Variants in CUL4A observed in about 807,000 individuals in gnomAD.
CUL4A encodes cullin-4A.
In CUL4A, 16 loss-of-function variants were observed where a neutral mutation model predicts 95.5. The ratio of observed to expected loss-of-function variants is 0.17; its 90% confidence interval spans 0.11 to 0.25. The LOEUF is 0.25. Among genes scored for constraint, CUL4A ranks in the 10% least tolerant of loss-of-function variants. The probability of loss-of-function intolerance (pLI) is 1.00; values close to 1 mark genes in which losing one functional copy is unlikely to be tolerated. For missense variants in CUL4A, 610 were observed against 937.0 expected, an observed-to-expected ratio of 0.65 and a Z score of 4.56; for synonymous variants, 380 against 353.1, an observed-to-expected ratio of 1.08 and a Z score of -0.85.
Position 113,266,670 on chromosome 13 carries a change from G to A in CUL4A, c.*3088G>A, listed in dbSNP as rs1022353578. 1 of 152,162 alleles carries A rather than the reference G, an allele frequency of 6.6e-6. No individual in the cohort carries two copies. Among genetic ancestry groups the A allele is most frequent in the African/African-American group, 2.4e-5 (1 of 41,434 alleles). The allele number at this position is 152,162 out of a possible 1,614,324, so 9.4% of individuals were successfully genotyped here. ...AAATAAGCCAAATACACAGGAACTCGGCGTGGCACAAAGGGGCCGTGTGTG... is the reference window on the plus strand; with the variant it reads ...AAATAAGCCAAATACACAGGAACTCAGCGTGGCACAAAGGGGCCGTGTGTG... On this transcript the variant is annotated 3_prime_UTR_variant, in exon 20 of 20. Coordinates refer to ENST00000375440, the MANE Select transcript of CUL4A (RefSeq NM_001008895.4).
chr13:113,258,005 A>AT (rs997580836), intron 18 of CUL4A, among the ~76,000 whole-genome samples: 40 of 151,614 alleles, frequency 2.6e-4, no homozygotes, highest in South Asian at 6.3e-4. Context: ...ATAGCCAGCC[A>AT]TTTTTTTTGT....
In CUL4A at chr13:113,265,247, C is replaced by T. The variant is rs973366514; in HGVS notation, c.*1665C>T. The T allele has an allele frequency of 1.3e-5, 2 of 152,168 alleles. No individual in the cohort carries two copies. Among genetic ancestry groups the T allele is most frequent in the South Asian group, 2.1e-4 (1 of 4,834 alleles). The allele number at this position is 152,168 out of a possible 1,614,324, so 9.4% of individuals were successfully genotyped here. ...GTGGGTCTTTTTTACTTGGACGATT[C>T]GTTGTGCTGTGCCTTTGTTTCATTT... On this transcript the variant is annotated 3_prime_UTR_variant, in exon 20 of 20. Coordinates refer to ENST00000375440, the MANE Select transcript of CUL4A (RefSeq NM_001008895.4).
chr13:113,209,522 G>T, upstream of CUL4A: 1 of 657,360 alleles, frequency 1.5e-6, no homozygotes, highest in South Asian at 6.4e-5. Context: ...GGGCGGGGCG[G>T]GGCGCGCGAG....
At chr13:113,249,956 T>C (rs985400447) in intron 15 of CUL4A, among the ~76,000 whole-genome samples, 2 of 152,378 alleles carry the variant, frequency 1.3e-5, no homozygotes, top group Non-Finnish European at 1.5e-5. Context: ...TCTTTTGTTA[T>C]TAAGCTATAA....
chr13:113,208,850 G>A, upstream of CUL4A: 1 of 1,406,970 alleles, frequency 7.1e-7, no homozygotes, highest in Non-Finnish European at 9.2e-7. Flanking sequence ...TCTCAGCCGG[G>A]ACGCCAGCGG....
chr13:113,218,580 C>T (rs973115888), intron 2 of CUL4A, among the ~76,000 whole-genome samples: 1 of 152,040 alleles, frequency 6.6e-6, no homozygotes, highest in Non-Finnish European at 1.5e-5. Flanking sequence ...ACTGAGGAAT[C>T]GGAGCACCCG....
intron 2 of CUL4A, among the ~76,000 whole-genome samples, chr13:113,210,513 T>C (rs1203763194): frequency 6.6e-6 from 1 of 152,228 alleles, no homozygotes. Context: ...TTGAAAAAAT[T>C]CAAAATTCAG....
chr13:113,231,036 G>A (rs1204427436), intron 5 of CUL4A, among the ~76,000 whole-genome samples: 1 of 152,158 alleles, frequency 6.6e-6, no homozygotes, highest in East Asian at 1.9e-4. Flanking sequence ...GCCTCCCAAA[G>A]TGCTGGAATT....
intron 9 of CUL4A, among the ~76,000 whole-genome samples, chr13:113,238,431 C>A (rs375389145): frequency 1.3e-4 from 20 of 149,438 alleles, no homozygotes; most frequent in African/African-American, 4.7e-4. Flanking sequence ...AGAGACCTGT[C>A]TCAAAAAAAA....
At chr13:113,214,256 C>T (rs1344672654) in intron 2 of CUL4A, among the ~76,000 whole-genome samples, 1 of 152,140 alleles carries the variant, frequency 6.6e-6, no homozygotes, top group African/African-American at 2.4e-5. Context: ...TCATTTTCCT[C>T]CTGTAGTGTG....
chr13:113,239,294 C>T (rs2041636419), intron 9 of CUL4A, 139 bp from the exon 10 acceptor site: 23 of 744,186 alleles, frequency 3.1e-5, no homozygotes, highest in East Asian at 2.8e-4. Context: ...TCAACCTGCT[C>T]ATGTAGAGGC....
intron 10 of CUL4A, 128 bp from the exon 11 acceptor site, chr13:113,242,840 T>C: frequency 1.4e-6 from 1 of 697,326 alleles, no homozygotes; most frequent in Non-Finnish European, 2.3e-6. Flanking sequence ...TGTGAAACTT[T>C]TAAAGTTATT....
At position 113,210,059 on chromosome 13, in the gene CUL4A, A is replaced by G; in HGVS notation, c.235A>G (p.Ile79Val). 2 of 1,517,616 alleles carry G rather than the reference A, an allele frequency of 1.3e-6. No homozygotes were observed. The highest frequency in any genetic ancestry group is 1.8e-6 in the Non-Finnish European group (2 of 1,133,628). The allele number at this position is 1,517,616 out of a possible 1,614,324, so 94.0% of individuals were successfully genotyped here. ...GCGGGCCGTGCAGAGCAGCACCTCC[A>G]TCAGGTACAACCTCGAGGAGCTCTA... ...AVRAVQSSTS[I>V]RYNLEELYQA... The change falls in exon 2 of 20, where the codon ATC becomes GTC. Residue 79 changes from isoleucine (I) to valine (V), a missense_variant. Ile to Val is a conservative substitution (Grantham distance 29). Coordinates refer to ENST00000375440, the MANE Select transcript of CUL4A (RefSeq NM_001008895.4).
At chr13:113,231,582 A>G (rs938577252) in intron 5 of CUL4A, among the ~76,000 whole-genome samples, 2 of 152,170 alleles carry the variant, frequency 1.3e-5, no homozygotes, top group African/African-American at 2.4e-5. Context: ...AGCACTGGCT[A>G]CCTGCCTGGC....
intron 15 of CUL4A, among the ~76,000 whole-genome samples, chr13:113,251,095 G>A (rs988062580): frequency 1.3e-5 from 2 of 152,194 alleles, no homozygotes; most frequent in African/African-American, 4.8e-5. Context: ...GTACAGTGCT[G>A]CAATGGGGAG....
rs752834060 is a variant in CUL4A, at chr13:113,233,333, C to T, written c.669C>T (p.Asp223=). 1 of 1,612,652 alleles carries T rather than the reference C, an allele frequency of 6.2e-7. No homozygotes were observed. The highest frequency in any genetic ancestry group is 8.5e-7 in the Non-Finnish European group (1 of 1,179,778). ...LLRSLLGMLS[D]LQVYKDSFEL... ...GGAGCCTCCTGGGCATGCTGTCTGA[C>T]CTGCAGGTGAGTGCTGCCTGTGCGG... is the stretch of plus-strand genomic sequence containing the variant. Residue 223 remains aspartate (D), a synonymous_variant, in exon 6 of 20, where the codon GAC becomes GAT. Transcript: ENST00000375440.
intron 5 of CUL4A, among the ~76,000 whole-genome samples, chr13:113,232,112 C>T (rs1278620316): frequency 6.8e-6 from 1 of 146,616 alleles, no homozygotes; most frequent in African/African-American, 2.7e-5. Context: ...ACTACCCGCC[C>T]ACCACCATTA....
At position 113,233,256 on chromosome 13, in the gene CUL4A, C is replaced by T; in HGVS notation, c.592C>T (p.Leu198=). The T allele has an allele frequency of 6.2e-7, 1 of 1,614,112 alleles. No individual in the cohort carries two copies. Among genetic ancestry groups the T allele is most frequent in the South Asian group, 1.1e-5 (1 of 91,082 alleles). The change falls in exon 6 of 20, where the codon CTG becomes TTG. Residue 198 remains leucine (L), a synonymous_variant. Coordinates refer to ENST00000375440, the MANE Select transcript of CUL4A (RefSeq NM_001008895.4). ...GAGTAAAACCATTGATGGAATCCTA[C>T]TGCTGATCGAGCGCGAGAGGAGCGG... is the stretch of plus-strand genomic sequence containing the variant. ...VQSKTIDGIL[L]LIERERSGEA... is the part of the protein sequence containing the mutation.
chr13:113,244,889 G>A (rs2041818092), intron 12 of CUL4A, 60 bp from the exon 13 acceptor site: 2 of 1,089,986 alleles, frequency 1.8e-6, no homozygotes, highest in Admixed American at 3.7e-5. Context: ...GAAGTTTGAA[G>A]TTTAACATTT....
Sources: allele counts gnomAD v4.1 joint callset (sites outside exome capture counted in the v4.1 genomes callset), GRCh38; gene constraint gnomAD v4.1.1; transcripts MANE v1.5; gene names NCBI Gene and HGNC (gene_info 2026-07-23, HGNC 2026-07-21).